Variants in HTR7 observed in about 807,000 individuals in gnomAD.
The protein encoded by HTR7 is 5-HT-7.
In HTR7, 16 loss-of-function variants were observed where a neutral mutation model predicts 34.0. That is an observed-to-expected ratio of 0.47 (90% CI 0.32 to 0.71). The LOEUF (loss-of-function observed/expected upper bound fraction) is 0.71, where lower values mean the gene tolerates loss of function less well. Ranked by LOEUF, HTR7 falls within the 30% of genes least tolerant of loss-of-function variation. The probability of loss-of-function intolerance (pLI) is 0.04; values close to 1 mark genes in which losing one functional copy is unlikely to be tolerated. For missense variants in HTR7, 504 were observed against 625.5 expected, an observed-to-expected ratio of 0.81 and a Z score of 2.07; for synonymous variants, 265 against 260.2, an observed-to-expected ratio of 1.02 and a Z score of -0.18.
rs71503901 is a variant in HTR7 at position 90,857,902 on chromosome 10, T to C, written c.-231A>G. Among the ~76,000 whole-genome samples the C allele has an allele frequency of 0.21, 31,364 of 151,110 alleles. 4,095 individuals are homozygous for C. Among genetic ancestry groups the C allele is most frequent in the African/African-American group, 0.36 (14,768 of 41,362 alleles). On this transcript the variant is annotated 5_prime_UTR_variant, in exon 1 of 4. Transcript: ENST00000336152. The surrounding 1 kb of genome is among the most constrained non-coding windows in gnomAD (Gnocchi z 6.5). ...CACGGGGACTCCCTGCGGGAGGCGC[T>C]TCGGCCCCCGACGGACGCCTGGGAC...
At chr10:90,782,725 G>C (rs113906759) in intron 1 of HTR7, among the ~76,000 whole-genome samples, 2,602 of 152,246 alleles carry the variant, frequency 0.017, 86 homozygotes, top group African/African-American at 0.058. Context: ...CTGAGGCTCC[G>C]CAAGTGTTCA....
rs1157358740 is a variant in HTR7, at chr10:90,812,728, A to T, written c.539+44405T>A. ...AACATCGCCCATTCTCTCTCTCCAT[A>T]CCACCCCCCAAAAATTTTCGCCACC... On this transcript the variant is annotated intron_variant, in intron 1 of 3. Coordinates refer to ENST00000336152, the MANE Select transcript of HTR7 (RefSeq NM_019859.4). Among the ~76,000 whole-genome samples the T allele has an allele frequency of 2.6e-5, 4 of 151,836 alleles. No individual in the cohort carries two copies. In the East Asian group the frequency reaches 7.7e-4, roughly 29 times the overall value.
intron 1 of HTR7, among the ~76,000 whole-genome samples, chr10:90,768,075 A>G (rs929665040): frequency 1.3e-5 from 2 of 152,128 alleles, no homozygotes; most frequent in Admixed American, 1.3e-4. Flanking sequence ...CATCTCCACA[A>G]AACTGAACAT....
chr10:90,765,202 G>A (rs1845002399), intron 1 of HTR7, among the ~76,000 whole-genome samples: 1 of 152,014 alleles, frequency 6.6e-6, no homozygotes, highest in Non-Finnish European at 1.5e-5. Flanking sequence ...TGATTCAATT[G>A]ACTTACTAGT....
Position 90,749,577 on chromosome 10 carries a change from C to T in HTR7, c.557G>A (p.Arg186Lys), listed in dbSNP as rs374625817. Residue 186 changes from arginine to lysine, a missense_variant, in exon 2 of 4, where the codon AGG (arginine) becomes AAG (lysine). This residue lies in a region of HTR7 where 154 missense variants were observed against 248.8 expected (regional missense o/e 0.62). Coordinates refer to ENST00000336152, the MANE Select transcript of HTR7 (RefSeq NM_019859.4). The surrounding 1 kb of genome is among the most constrained non-coding windows in gnomAD (Gnocchi z 4.2). The part of the protein sequence containing the change: ...ISIDRYLGIT[R>K]PLTYPVRQNG... ...CTGCCTCACAGGGTATGTGAGGGGC[C>T]TTGTGATCCCAAGGTACCTAGTGGA... 17 of 1,610,174 alleles carry T rather than the reference C, an allele frequency of 1.1e-5. No individual in the cohort carries two copies. The highest frequency in any genetic ancestry group is 3.3e-5 in the South Asian group (3 of 90,726).
chr10:90,853,916 G>T (rs567513256), intron 1 of HTR7, among the ~76,000 whole-genome samples: 1 of 152,166 alleles, frequency 6.6e-6, no homozygotes, highest in Non-Finnish European at 1.5e-5. Context: ...TATCTAAAGC[G>T]CAAGGAAGAA....
In HTR7 at chr10:90,742,397, A is replaced by G; in HGVS notation, c.*85T>C. ...CATCCCAAGAAAGGACAGAAGCTGC[A>G]TTCCATTCTGCAGACTCAGCAAATG... On this transcript the variant is annotated 3_prime_UTR_variant, in exon 4 of 4. Coordinates refer to ENST00000336152, the MANE Select transcript of HTR7 (RefSeq NM_019859.4). The G allele has an allele frequency of 9.9e-7, 1 of 1,011,436 alleles. No individual in the cohort carries two copies. The highest frequency in any genetic ancestry group is 1.5e-6 in the Non-Finnish European group (1 of 656,288). The allele number at this position is 1,011,436 out of a possible 1,614,324, so 62.7% of individuals were successfully genotyped here.
intron 1 of HTR7, among the ~76,000 whole-genome samples, chr10:90,790,660 C>T (rs1243009709): frequency 2.0e-5 from 3 of 152,140 alleles, no homozygotes; most frequent in Non-Finnish European, 4.4e-5. Flanking sequence ...ATTTCCTAGC[C>T]TTTTGAGCTA....
chr10:90,764,214 G>A (rs767483616), intron 1 of HTR7, among the ~76,000 whole-genome samples: 1 of 152,178 alleles, frequency 6.6e-6, no homozygotes, highest in Non-Finnish European at 1.5e-5. Flanking sequence ...GATCAGTGAT[G>A]TGCAGCTTTT....
At chr10:90,778,945 C>G (rs1310381053) in intron 1 of HTR7, among the ~76,000 whole-genome samples, 1 of 152,200 alleles carries the variant, frequency 6.6e-6, no homozygotes, top group Non-Finnish European at 1.5e-5. Flanking sequence ...CTGACCTTTG[C>G]CTTGTTCCTG....
chr10:90,800,202 T>TG (rs34457518), intron 1 of HTR7, among the ~76,000 whole-genome samples: 41,944 of 152,120 alleles, frequency 0.28, 6,312 homozygotes, highest in African/African-American at 0.4. Context: ...CATACATTGA[T>TG]TTGAGAATGT....
At chr10:90,775,787 G>GAA (rs1845197058) in intron 1 of HTR7, among the ~76,000 whole-genome samples, 1 of 152,130 alleles carries the variant, frequency 6.6e-6, no homozygotes, top group Admixed American at 6.5e-5. Context: ...CAAGAACAGT[G>GAA]CTTTCTATTC....
At chr10:90,819,170 G>A (rs562391513) in intron 1 of HTR7, among the ~76,000 whole-genome samples, 1 of 152,212 alleles carries the variant, frequency 6.6e-6, no homozygotes, top group South Asian at 2.1e-4. Flanking sequence ...AATGAAGTAA[G>A]AGATATTAAA....
At chr10:90,823,031 G>A (rs1846011388) in intron 1 of HTR7, among the ~76,000 whole-genome samples, 2 of 152,270 alleles carry the variant, frequency 1.3e-5, no homozygotes, top group Admixed American at 1.3e-4. Context: ...GAAGTCTACT[G>A]CAGGGGCAAA....
chr10:90,797,935 C>T (rs1355129640), intron 1 of HTR7, among the ~76,000 whole-genome samples: 1 of 152,132 alleles, frequency 6.6e-6, no homozygotes, highest in Non-Finnish European at 1.5e-5. Flanking sequence ...GACAAAAGGG[C>T]AAGAGAGCAT....
At chr10:90,778,725 T>G (rs544592675) in intron 1 of HTR7, among the ~76,000 whole-genome samples, 2 of 152,348 alleles carry the variant, frequency 1.3e-5, no homozygotes, top group South Asian at 4.1e-4. Flanking sequence ...ACCTCTGTAC[T>G]TAATTTAGGT....
chr10:90,793,961 T>C, intron 1 of HTR7, among the ~76,000 whole-genome samples: 1 of 152,208 alleles, frequency 6.6e-6, no homozygotes, highest in East Asian at 1.9e-4. Context: ...GCCTGCTTTA[T>C]TCTAGCCACA....
At chr10:90,822,760 G>A (rs1437385482) in intron 1 of HTR7, among the ~76,000 whole-genome samples, 4 of 152,204 alleles carry the variant, frequency 2.6e-5, no homozygotes, top group Non-Finnish European at 1.5e-5. Flanking sequence ...ATGGTTTCAT[G>A]GGCCAGGACC....
At chr10:90,761,637 T>C (rs1243613763) in intron 1 of HTR7, among the ~76,000 whole-genome samples, 1 of 138,944 alleles carries the variant, frequency 7.2e-6, no homozygotes, top group Admixed American at 6.9e-5. Flanking sequence ...TGTATGCGTG[T>C]GTGTGTGTGT....
Sources: gnomAD v4.1 joint callset for allele counts (sites outside exome capture counted in the v4.1 genomes callset) on GRCh38, gnomAD v4.1.1 for gene constraint, gnomAD v4.1.1 regional missense constraint, Gnocchi (gnomAD v3.1) non-coding constraint, MANE v1.5 for transcripts, NCBI Gene and HGNC (gene_info 2026-07-23, HGNC 2026-07-21) for gene names.